The following DCC variants were observed in gnomAD, a reference collection of about 807,000 sequenced individuals.
The protein encoded by DCC is netrin receptor DCC.
In DCC, 58 loss-of-function variants were observed where a neutral mutation model predicts 172.5. The ratio of observed to expected loss-of-function variants is 0.34; its 90% CI spans 0.27 to 0.42. DCC has a LOEUF of 0.42. Ranked by LOEUF, DCC falls within the 10% of genes least tolerant of loss-of-function variation. The pLI, the probability that DCC is intolerant of heterozygous loss-of-function variation, is 1.00. For synonymous variants in DCC, 709 were observed against 644.5 expected (o/e 1.10, Z -1.52); for missense variants, 1,740 against 1,791.0 (o/e 0.97, Z 0.51).
intron 9 of DCC, among the ~76,000 whole-genome samples, chr18:53,204,504 G>T (rs1427857383): frequency 6.6e-6 from 1 of 151,502 alleles, no homozygotes; most frequent in East Asian, 1.9e-4. Flanking sequence ...ATGTGATCAT[G>T]CCACTGCACT....
At chr18:52,822,838 CAT>C (rs1257194464) in intron 2 of DCC, among the ~76,000 whole-genome samples, 2 of 152,090 alleles carry the variant, frequency 1.3e-5, no homozygotes, top group Non-Finnish European at 1.5e-5. Context: ...TTAATTATGA[CAT>C]ATTTTTATAG....
intron 7 of DCC, among the ~76,000 whole-genome samples, chr18:53,115,714 G>C (rs1383167868): frequency 6.6e-6 from 1 of 151,538 alleles, no homozygotes; most frequent in Non-Finnish European, 1.5e-5. Flanking sequence ...TCTATTTTAG[G>C]ATTCTCATTC....
intron 12 of DCC, among the ~76,000 whole-genome samples, chr18:53,220,826 T>C (rs1385190788): frequency 6.6e-6 from 1 of 152,020 alleles, no homozygotes; most frequent in Non-Finnish European, 1.5e-5. Flanking sequence ...TTTTTAAGCA[T>C]AGATAATGTC....
chr18:53,123,362 G>A (rs868600728), intron 7 of DCC, among the ~76,000 whole-genome samples: 1 of 151,962 alleles, frequency 6.6e-6, no homozygotes, highest in South Asian at 2.1e-4. Context: ...AAAGGAAGAG[G>A]CAAGGCTTTC....
At chr18:53,270,090 G>A (rs2056731405) in intron 12 of DCC, among the ~76,000 whole-genome samples, 1 of 152,160 alleles carries the variant, frequency 6.6e-6, no homozygotes, top group South Asian at 2.1e-4. Flanking sequence ...AGGTAGTTAT[G>A]CAATTTGTAG....
chr18:52,579,012 T>C (rs549098068), intron 1 of DCC, among the ~76,000 whole-genome samples: 3 of 152,248 alleles, frequency 2.0e-5, no homozygotes, highest in Admixed American at 6.5e-5. Flanking sequence ...AATCAGGTTG[T>C]TAAGCAACTG....
chr18:53,386,570 T>A (rs1393707765), intron 16 of DCC, among the ~76,000 whole-genome samples: 1 of 152,068 alleles, frequency 6.6e-6, no homozygotes, highest in African/African-American at 2.4e-5. Context: ...TCTTTCAAAC[T>A]AAGATGACAA....
intron 23 of DCC, among the ~76,000 whole-genome samples, chr18:53,456,363 G>C (rs1252191429): frequency 6.6e-6 from 1 of 152,128 alleles, no homozygotes; most frequent in Non-Finnish European, 1.5e-5. Context: ...AGGGTTCTTT[G>C]TTTGCCTTTA....
At chr18:53,322,219 G>A in intron 14 of DCC, 62 bp downstream of exon 14, 1 of 949,362 alleles carries the variant, frequency 1.1e-6, no homozygotes, top group Admixed American at 1.7e-5. Context: ...GCTTCAAAAG[G>A]TCTCTTAAAA....
intron 5 of DCC, among the ~76,000 whole-genome samples, chr18:52,975,583 T>C (rs1395208329): frequency 6.6e-6 from 1 of 152,116 alleles, no homozygotes; most frequent in African/African-American, 2.4e-5. Context: ...ATAATTTAGC[T>C]CCCACTTATA....
chr18:53,022,336 G>A (rs1031528046), intron 5 of DCC, among the ~76,000 whole-genome samples: 3 of 151,954 alleles, frequency 2.0e-5, no homozygotes, highest in South Asian at 2.1e-4. Context: ...GAGTTGGGCC[G>A]GTTGTGTTAC....
chr18:52,801,609 T>G (rs2037986663), intron 2 of DCC, among the ~76,000 whole-genome samples: 1 of 152,234 alleles, frequency 6.6e-6, no homozygotes, highest in African/African-American at 2.4e-5. Flanking sequence ...CCTCTTGGAC[T>G]TCTCAAAGTT....
At chr18:53,186,758 T>C (rs73960218) in intron 9 of DCC, among the ~76,000 whole-genome samples, 2,515 of 152,282 alleles carry the variant, frequency 0.017, 83 homozygotes, top group African/African-American at 0.058. Flanking sequence ...CACTGTAATT[T>C]ATAAAGGATA....
chr18:53,174,214 A>G (rs1452917602), intron 8 of DCC, among the ~76,000 whole-genome samples: 16 of 144,536 alleles, frequency 1.1e-4, no homozygotes, highest in African/African-American at 3.9e-4. Context: ...CTAAATGCCC[A>G]CAAGAGAAAG....
intron 14 of DCC, among the ~76,000 whole-genome samples, chr18:53,322,533 G>T (rs1007475181): frequency 6.6e-6 from 1 of 151,860 alleles, no homozygotes; most frequent in Non-Finnish European, 1.5e-5. Flanking sequence ...ATATAATATA[G>T]CTTCTCTTGC....
At chr18:52,764,005 G>A (rs1395077728) in intron 2 of DCC, among the ~76,000 whole-genome samples, 1 of 152,180 alleles carries the variant, frequency 6.6e-6, no homozygotes, top group African/African-American at 2.4e-5. Flanking sequence ...ATTAATGAAT[G>A]TTCTTGTATT....
At chr18:52,656,321 C>T (rs886498307) in intron 1 of DCC, among the ~76,000 whole-genome samples, 1 of 151,956 alleles carries the variant, frequency 6.6e-6, no homozygotes, top group African/African-American at 2.4e-5. Context: ...TCCCTCACTT[C>T]TCCAGCCATG....
intron 5 of DCC, among the ~76,000 whole-genome samples, chr18:52,998,420 C>T (rs892758396): frequency 3.3e-5 from 5 of 152,160 alleles, no homozygotes; most frequent in Non-Finnish European, 5.9e-5. Flanking sequence ...GCTCTAGACA[C>T]GAGCATAAAA....
intron 2 of DCC, among the ~76,000 whole-genome samples, chr18:52,783,693 T>TTATATATAGTGTGTATATATAG (rs1163656667): frequency 2.7e-5 from 4 of 150,926 alleles, no homozygotes; most frequent in Non-Finnish European, 5.9e-5. Context: ...TGTGTATGTA[T>TTATATATAGTGTGTATATATAG]TATATATAGT....
Sources: allele counts gnomAD v4.1 joint callset (sites outside exome capture counted in the v4.1 genomes callset), GRCh38; gene constraint gnomAD v4.1.1; transcripts MANE v1.5; gene names NCBI Gene and HGNC (gene_info 2026-07-23, HGNC 2026-07-21).